The following NRAS variants were observed in gnomAD, a reference collection of about 807,000 sequenced individuals.
The protein encoded by NRAS is NRAS proto-oncogene, GTPase, also known as GTPase NRas.
A neutral mutation model predicts 21.3 loss-of-function variants in NRAS; 6 were observed. The observed-to-expected ratio is 0.28, with a 90% CI of 0.15 to 0.56. The LOEUF (loss-of-function observed/expected upper bound fraction) is 0.56, where lower values mean the gene tolerates loss of function less well. NRAS is among the 20% of genes least tolerant of loss of function. The pLI is 0.93. For missense variants in NRAS, 143 were observed against 231.3 expected, an observed-to-expected ratio of 0.62 and a Z score of 2.48; for synonymous variants, 84 against 82.0, an observed-to-expected ratio of 1.02 and a Z score of -0.13.
In NRAS at chr1:114,708,585, T is replaced by C; in HGVS notation, c.520A>G (p.Ser174Gly). Residue 174 changes from serine (S) to glycine (G), a missense_variant, in exon 5 of 7, where the codon AGT becomes GGT. Coordinates refer to ENST00000369535, the MANE Select transcript of NRAS (RefSeq NM_002524.5). ...RQYRMKKLNS[S>G]DDGTQGCMGL... ...ATACAACCCTGAGTCCCATCATCAC[T>C]GCTGTTGAGTTTTTTCATTCGGTAC... 1 of 1,613,198 alleles carries C rather than the reference T, an allele frequency of 6.2e-7. No homozygotes were observed. The highest frequency in any genetic ancestry group is 8.5e-7 in the Non-Finnish European group (1 of 1,179,134).
intron 3 of NRAS, among the ~76,000 whole-genome samples, chr1:114,711,567 C>T (rs904846067): frequency 1.1e-4 from 16 of 148,602 alleles, no homozygotes; most frequent in Non-Finnish European, 2.2e-4. Context: ...CACCACCGTA[C>T]TCCATCCAGC....
intron 3 of NRAS, among the ~76,000 whole-genome samples, chr1:114,710,535 G>T (rs1659023331): frequency 1.3e-5 from 2 of 150,636 alleles, no homozygotes; most frequent in African/African-American, 2.4e-5. Context: ...AGAAAGAAAA[G>T]AAAAGAGAAA....
intron 1 of NRAS, among the ~76,000 whole-genome samples, 191 bp downstream of exon 1, chr1:114,716,467 G>A (rs1256643937): frequency 6.6e-6 from 1 of 152,060 alleles, no homozygotes; most frequent in Non-Finnish European, 1.5e-5. Context: ...CTAGCAGGAA[G>A]CCTCCAGGCC....
At position 114,706,683 on chromosome 1, in the gene NRAS, G is replaced by GACCT. The variant is rs1206209264; in HGVS notation, c.*1407_*1410dup. On this transcript the variant is annotated 3_prime_UTR_variant, in exon 7 of 7. Coordinates refer to ENST00000369535, the MANE Select transcript of NRAS (RefSeq NM_002524.5). ...TCATGGTAAAGGGTTTGTGCTAACT[G>GACCT]ACCTCTTCTTTCCTTGCAGGGCTAA... is the stretch of plus-strand genomic sequence containing the variant. 6.6e-6 allele frequency: 1 copy of GACCT among 152,220 alleles called. No individual in the cohort carries two copies. Among genetic ancestry groups the GACCT allele is most frequent in the Admixed American group, 6.5e-5 (1 of 15,282 alleles). The allele number at this position is 152,220 out of a possible 1,614,324, so 9.4% of individuals were successfully genotyped here. A position where few individuals can be genotyped will look rare whatever the true frequency, so the allele number is the denominator to read the frequency against.
intron 2 of NRAS, among the ~76,000 whole-genome samples, chr1:114,714,605 T>C (rs1273238283): frequency 6.6e-6 from 1 of 152,180 alleles, no homozygotes. Flanking sequence ...TTTGGTTTTA[T>C]GGCAACAGGA....
At chr1:114,711,674 G>A (rs1176209149) in intron 3 of NRAS, among the ~76,000 whole-genome samples, 1 of 151,388 alleles carries the variant, frequency 6.6e-6, no homozygotes, top group East Asian at 1.9e-4. Flanking sequence ...AAGCCCAAGC[G>A]ATAAAATAGA....
intron 3 of NRAS, among the ~76,000 whole-genome samples, chr1:114,713,037 A>AAAAT (rs1266765262): frequency 1.3e-5 from 2 of 152,248 alleles, no homozygotes; most frequent in Non-Finnish European, 2.9e-5. Flanking sequence ...CTGATTCTGC[A>AAAAT]AAATAAGAAT....
In NRAS at chr1:114,707,497, A is replaced by C. The variant is rs1658943994; in HGVS notation, c.*597T>G. 6.5e-6 allele frequency: 1 copy of C among 152,680 alleles called. No homozygotes were observed. The highest frequency in any genetic ancestry group is 1.5e-5 in the Non-Finnish European group (1 of 68,036). 9.5% of individuals were successfully genotyped at this position (152,680 alleles called of 1,614,324 possible). A position where few individuals can be genotyped will look rare whatever the true frequency, so the allele number is the denominator to read the frequency against. ...ATTTAATTACGTCAAAGTTGTGAAGACTAGGATAGACTCAAAATTCAGTAT... is the reference window on the plus strand; with the variant it reads ...ATTTAATTACGTCAAAGTTGTGAAGCCTAGGATAGACTCAAAATTCAGTAT... On this transcript the variant is annotated 3_prime_UTR_variant, in exon 7 of 7. Transcript: ENST00000369535.
At chr1:114,712,467 T>C (rs1486317831) in intron 3 of NRAS, among the ~76,000 whole-genome samples, 1 of 152,194 alleles carries the variant, frequency 6.6e-6, no homozygotes, top group Non-Finnish European at 1.5e-5. Flanking sequence ...GAAAAATGAA[T>C]AAATTTCTTG....
At chr1:114,710,859 T>C (rs1659030291) in intron 3 of NRAS, among the ~76,000 whole-genome samples, 1 of 152,164 alleles carries the variant, frequency 6.6e-6, no homozygotes, top group Non-Finnish European at 1.5e-5. Context: ...GGCTCTGGAT[T>C]TAACTGGCAA....
Position 114,708,196 on chromosome 1 carries a change from T to G in NRAS, c.*5-4A>C. 1 of 262,498 alleles carries G rather than the reference T, an allele frequency of 3.8e-6. No individual in the cohort carries two copies. Among genetic ancestry groups the G allele is most frequent in the Non-Finnish European group, 7.3e-6 (1 of 137,108 alleles). 16.3% of individuals were successfully genotyped at this position (262,498 alleles called of 1,614,324 possible). A position where few individuals can be genotyped will look rare whatever the true frequency, so the allele number is the denominator to read the frequency against. ...TCTGACAAAACTTTAAAAGTATCTG[T>G]AAAAAAAGAACAGAAACCATGTCCT... On this transcript the variant is annotated splice_region_variant and splice_polypyrimidine_tract_variant and intron_variant, in intron 5 of 6. Coordinates refer to ENST00000369535, the MANE Select transcript of NRAS (RefSeq NM_002524.5).
chr1:114,706,249 A>G lies in NRAS; in HGVS notation c.*1845T>C, dbSNP rs1480696185. 1 of 152,246 alleles carries G rather than the reference A, an allele frequency of 6.6e-6. No homozygotes were observed. The highest frequency in any genetic ancestry group is 1.5e-5 in the Non-Finnish European group (1 of 68,054). 9.4% of individuals were successfully genotyped at this position (152,246 alleles called of 1,614,324 possible). On this transcript the variant is annotated 3_prime_UTR_variant, in exon 7 of 7. Coordinates refer to ENST00000369535, the MANE Select transcript of NRAS (RefSeq NM_002524.5). ...CTTAATAAATGAAAATTCATAATAT[A>G]GAAGATGGAGGACCTCAGTAAGTAT... is the stretch of plus-strand genomic sequence containing the variant.
chr1:114,711,221 C>T (rs1659036205), intron 3 of NRAS, among the ~76,000 whole-genome samples: 1 of 151,830 alleles, frequency 6.6e-6, no homozygotes, highest in South Asian at 2.1e-4. Flanking sequence ...TGGGAGGATC[C>T]CTTGATCCCT....
chr1:114,713,291 T>A (rs1659084078), intron 3 of NRAS, among the ~76,000 whole-genome samples: 1 of 152,054 alleles, frequency 6.6e-6, no homozygotes, highest in African/African-American at 2.4e-5. Flanking sequence ...CTCCCACCTC[T>A]GCCTCCCGAG....
chr1:114,713,124 C>T (rs1347914659), intron 3 of NRAS, among the ~76,000 whole-genome samples: 1 of 151,996 alleles, frequency 6.6e-6, no homozygotes, highest in Admixed American at 6.6e-5. Context: ...CTTTATGTTC[C>T]CTTGCTTTGT....
intron 2 of NRAS, among the ~76,000 whole-genome samples, chr1:114,714,426 C>T (rs1369726181): frequency 6.6e-6 from 1 of 151,984 alleles, no homozygotes; most frequent in Non-Finnish European, 1.5e-5. Flanking sequence ...GTGTTTATGA[C>T]TAAATATACA....
intron 3 of NRAS, among the ~76,000 whole-genome samples, chr1:114,711,077 G>A (rs1659034465): frequency 6.6e-6 from 1 of 152,108 alleles, no homozygotes; most frequent in African/African-American, 2.4e-5. Context: ...GATTGAGGTG[G>A]GAGGATCACT....
At chr1:114,716,201 T>C (rs1327039548) in intron 1 of NRAS, 24 bp from the exon 2 acceptor site, 9 of 1,348,212 alleles carry the variant, frequency 6.7e-6, no homozygotes, top group African/African-American at 2.9e-5. Context: ...GTAATCAGGG[T>C]TAATTGGCGA....
At chr1:114,708,703 A>G (rs1658973040) in intron 4 of NRAS, 49 bp from the exon 5 acceptor site, 16 of 1,590,918 alleles carry the variant, frequency 1.0e-5, no homozygotes, top group Non-Finnish European at 1.2e-5. Flanking sequence ...CTCAACGGAC[A>G]CAATCCAAAT....
Sources: allele counts gnomAD v4.1 joint callset (sites outside exome capture counted in the v4.1 genomes callset), GRCh38; gene constraint gnomAD v4.1.1; transcripts MANE v1.5; gene names NCBI Gene and HGNC (gene_info 2026-07-23, HGNC 2026-07-21).